TBC1D1: variants seen among roughly 807,000 people sequenced by gnomAD.
TBC1D1 encodes TBC1 (tre-2/USP6, BUB2, cdc16) domain family, member 1.
A neutral mutation model predicts 125.6 loss-of-function variants in TBC1D1; 89 were observed. The ratio of observed to expected loss-of-function variants is 0.71; its 90% CI spans 0.60 to 0.85. The LOEUF (loss-of-function observed/expected upper bound fraction) is 0.85, where lower values mean the gene tolerates loss of function less well. Ranked by LOEUF, TBC1D1 falls within the 40% of genes least tolerant of loss-of-function variation. TBC1D1 has a pLI of 0.00. For synonymous variants in TBC1D1, 565 were observed against 564.1 expected, an observed-to-expected ratio of 1.00 and a Z score of -0.02; for missense variants, 1,377 against 1,469.2, an observed-to-expected ratio of 0.94 and a Z score of 1.03.
At chr4:37,906,947 A>C (rs1485882508) in intron 2 of TBC1D1, among the ~76,000 whole-genome samples, 2 of 152,274 alleles carry the variant, frequency 1.3e-5, no homozygotes, top group Non-Finnish European at 2.9e-5. Flanking sequence ...GTACTCTATT[A>C]GAAATTAAAA....
intron 2 of TBC1D1, among the ~76,000 whole-genome samples, chr4:37,937,309 C>T (rs1724589195): frequency 1.3e-5 from 2 of 152,174 alleles, no homozygotes; most frequent in Admixed American, 1.3e-4. Flanking sequence ...CAGAGGGGGC[C>T]ACGCTGCCAT....
Position 38,014,411 on chromosome 4 carries a change from A to G in TBC1D1, c.418-98A>G. On this transcript the variant is annotated intron_variant, in intron 2 of 19. Transcript: ENST00000261439. The surrounding 1 kb of genome is among the most constrained non-coding windows in gnomAD (Gnocchi z 5.1). Reference sequence around the variant, plus strand: ...CTCCTCCTCCAGTGCTCCGCAGTGGAGTAGCCAGCGGGGCGTCCCGAAAGA... The same window carrying G: ...CTCCTCCTCCAGTGCTCCGCAGTGGGGTAGCCAGCGGGGCGTCCCGAAAGA... 1 of 1,210,308 alleles carries G rather than the reference A, an allele frequency of 8.3e-7. No homozygotes were observed. Among genetic ancestry groups the G allele is most frequent in the Non-Finnish European group, 1.2e-6 (1 of 847,084 alleles). The allele number at this position is 1,210,308 out of a possible 1,614,324, so 75.0% of individuals were successfully genotyped here.
At chr4:38,119,650 C>T (rs1763536346) in intron 17 of TBC1D1, among the ~76,000 whole-genome samples, 1 of 152,154 alleles carries the variant, frequency 6.6e-6, no homozygotes, top group African/African-American at 2.4e-5. Flanking sequence ...TTTGACTTCT[C>T]TAACACTGGA....
intron 1 of TBC1D1, among the ~76,000 whole-genome samples, chr4:37,891,818 T>C (rs1235262446): frequency 1.3e-5 from 2 of 151,980 alleles, no homozygotes; most frequent in South Asian, 2.1e-4. Flanking sequence ...GGGTACATCC[T>C]GTACCAGTCA....
At chr4:37,999,408 C>T (rs552823836) in intron 2 of TBC1D1, among the ~76,000 whole-genome samples, 3 of 152,280 alleles carry the variant, frequency 2.0e-5, no homozygotes, top group African/African-American at 7.2e-5. Context: ...ATGAATTTTA[C>T]ACTTTTAGAG....
intron 12 of TBC1D1, among the ~76,000 whole-genome samples, chr4:38,081,282 C>A (rs1366513280): frequency 6.6e-6 from 1 of 152,120 alleles, no homozygotes; most frequent in Non-Finnish European, 1.5e-5. Context: ...GTCTGGGGTC[C>A]CTCGGGGCAG....
chr4:38,107,255 C>T (rs1018178308), intron 15 of TBC1D1, among the ~76,000 whole-genome samples: 3 of 152,168 alleles, frequency 2.0e-5, no homozygotes, highest in South Asian at 2.1e-4. Flanking sequence ...CGGCTGACTC[C>T]GCCCAGGGAG....
intron 18 of TBC1D1, among the ~76,000 whole-genome samples, chr4:38,132,333 GGCAGCA>G (rs547081723): frequency 6.6e-6 from 1 of 152,098 alleles, no homozygotes; most frequent in Admixed American, 6.5e-5. Flanking sequence ...AAATGCCTTG[GGCAGCA>G]GCAGCAGCAG....
intron 14 of TBC1D1, among the ~76,000 whole-genome samples, chr4:38,100,283 T>G (rs768616365): frequency 9.9e-5 from 15 of 152,242 alleles, no homozygotes; most frequent in Non-Finnish European, 1.6e-4. Flanking sequence ...CTTCTCTCAG[T>G]GTTCTGGAGG....
chr4:38,090,088 G>C lies in TBC1D1; in HGVS notation c.2207G>C (p.Arg736Thr), dbSNP rs1005953831. The C allele has an allele frequency of 1.2e-6, 2 of 1,613,980 alleles. No individual in the cohort carries two copies. The highest frequency in any genetic ancestry group is 1.7e-6 in the Non-Finnish European group (2 of 1,179,986). Residue 736 changes from arginine to threonine, a missense_variant, in exon 13 of 20, where the codon AGA (arginine) becomes ACA (threonine). Coordinates refer to ENST00000261439, the MANE Select transcript of TBC1D1 (RefSeq NM_015173.4). ...ATTCTTCAACAGATACTGCTGCTTA[G>C]AATGGAGAAGGAAAATCAGAAGCTC...
chr4:38,057,228 T>C (rs1361820164), intron 12 of TBC1D1, among the ~76,000 whole-genome samples: 2 of 152,194 alleles, frequency 1.3e-5, no homozygotes, highest in African/African-American at 4.8e-5. Flanking sequence ...CTCTGGCTTG[T>C]GCCATGCCAG....
At chr4:38,026,214 A>T (rs904611033) in intron 6 of TBC1D1, among the ~76,000 whole-genome samples, 1 of 151,912 alleles carries the variant, frequency 6.6e-6, no homozygotes, top group East Asian at 1.9e-4. Context: ...TTCCTGGGTT[A>T]AAAAAAAGGG....
At chr4:38,025,652 A>G (rs567689207) in intron 6 of TBC1D1, among the ~76,000 whole-genome samples, 1 of 152,338 alleles carries the variant, frequency 6.6e-6, no homozygotes, top group South Asian at 2.1e-4. Flanking sequence ...TCATGAAACA[A>G]TATCGTTTTT....
intron 15 of TBC1D1, among the ~76,000 whole-genome samples, chr4:38,111,727 T>C (rs1762232449): frequency 6.6e-6 from 1 of 152,226 alleles, no homozygotes; most frequent in African/African-American, 2.4e-5. Context: ...CTCAGCGACC[T>C]CCAGGGGTCC....
At chr4:37,990,350 T>C (rs1244197737) in intron 2 of TBC1D1, among the ~76,000 whole-genome samples, 2 of 152,068 alleles carry the variant, frequency 1.3e-5, no homozygotes, top group East Asian at 3.8e-4. Context: ...CAACTATCAT[T>C]AGTGTTAATG....
rs138961657 is a variant in TBC1D1, at chr4:37,969,381, C to T, written c.418-45128C>T. 3.3e-3 allele frequency among the ~76,000 whole-genome samples: 510 copies of T among 152,334 alleles called. 2 individuals carry two copies. The highest frequency in any genetic ancestry group is 0.011 in the African/African-American group (475 of 41,572). On this transcript the variant is annotated intron_variant, in intron 2 of 19. Coordinates refer to ENST00000261439, the MANE Select transcript of TBC1D1 (RefSeq NM_015173.4). ...GTTTGAGACAGAGTTCCGCTCTTGT[C>T]GCCCAGTCTGGAGTGCAATGGCACA...
chr4:37,954,157 T>C (rs1033647999), intron 2 of TBC1D1, among the ~76,000 whole-genome samples: 3 of 152,198 alleles, frequency 2.0e-5, no homozygotes, highest in African/African-American at 7.2e-5. Flanking sequence ...TGGCCTTTTG[T>C]TGTGTGGCCT....
At chr4:38,008,667 T>C (rs1740850838) in intron 2 of TBC1D1, among the ~76,000 whole-genome samples, 1 of 152,230 alleles carries the variant, frequency 6.6e-6, no homozygotes, top group Admixed American at 6.5e-5. Context: ...CAGGGACACC[T>C]GATCACTCCT....
At chr4:38,063,335 C>G (rs931634592) in intron 12 of TBC1D1, among the ~76,000 whole-genome samples, 2 of 151,816 alleles carry the variant, frequency 1.3e-5, no homozygotes, top group African/African-American at 4.8e-5. Context: ...GAGTGAGTGT[C>G]TCCTAAGGAT....
Sources: gnomAD v4.1 joint callset for allele counts (sites outside exome capture counted in the v4.1 genomes callset) on GRCh38, gnomAD v4.1.1 for gene constraint, Gnocchi (gnomAD v3.1) non-coding constraint, MANE v1.5 for transcripts, NCBI Gene and HGNC (gene_info 2026-07-23, HGNC 2026-07-21) for gene names.